The following IL1R1 variants were observed in gnomAD, a reference collection of about 807,000 sequenced individuals.
IL1R1 encodes interleukin-1 receptor type 1.
In IL1R1, 22 loss-of-function variants were observed where a neutral mutation model predicts 50.2. The ratio of observed to expected loss-of-function variants is 0.44; its 90% CI spans 0.31 to 0.63. The LOEUF is 0.63. IL1R1 is among the 20% of genes least tolerant of loss of function. The probability of loss-of-function intolerance (pLI) is 0.07; values close to 1 mark genes in which losing one functional copy is unlikely to be tolerated. For synonymous variants in IL1R1, 251 were observed against 236.7 expected (o/e 1.06, Z -0.55); for missense variants, 509 against 676.2 (o/e 0.75, Z 2.74).
rs1685952298 is a variant in IL1R1, at chr2:102,174,573, TC to T, written c.992-13del. The T allele has an allele frequency of 3.9e-6, 6 of 1,538,554 alleles. No homozygotes were observed. In the Admixed American group the frequency reaches 1.1e-4, roughly 29 times the overall value. Reference sequence around the variant, plus strand: ...TCTAATATTTTTTCTCCTTTTTTTTTCTTTTTGCTATAGTCACTAATTTCCA... The same window carrying T: ...TCTAATATTTTTTCTCCTTTTTTTTTTTTTTGCTATAGTCACTAATTTCCA... On this transcript the variant is annotated splice_polypyrimidine_tract_variant and intron_variant, in intron 9 of 11. Transcript: ENST00000410023.
At chr2:102,114,160 T>C (rs1172641994) in intron 1 of IL1R1, among the ~76,000 whole-genome samples, 1 of 152,214 alleles carries the variant, frequency 6.6e-6, no homozygotes, top group Non-Finnish European at 1.5e-5. Context: ...ACCCATAAAC[T>C]AGTTTTTAAA....
intron 1 of IL1R1, among the ~76,000 whole-genome samples, chr2:102,112,727 T>C (rs1459408792): frequency 6.6e-6 from 1 of 151,988 alleles, no homozygotes; most frequent in Non-Finnish European, 1.5e-5. Flanking sequence ...AAATAAATAC[T>C]TTAATAGTTT....
At chr2:102,076,776 T>A (rs1466708410) in intron 1 of IL1R1, among the ~76,000 whole-genome samples, 1 of 152,138 alleles carries the variant, frequency 6.6e-6, no homozygotes, top group Non-Finnish European at 1.5e-5. Context: ...TTAGTGTAGT[T>A]GTCTTCATAT....
intron 1 of IL1R1, among the ~76,000 whole-genome samples, chr2:102,152,614 C>T (rs1683786090): frequency 6.6e-6 from 1 of 151,740 alleles, no homozygotes; most frequent in African/African-American, 2.4e-5. Context: ...CCTCCCCTCC[C>T]CCTCCCCCTC....
At chr2:102,134,810 C>A (rs1037010216) in intron 1 of IL1R1, among the ~76,000 whole-genome samples, 5 of 152,234 alleles carry the variant, frequency 3.3e-5, no homozygotes, top group Non-Finnish European at 5.9e-5. Flanking sequence ...TCCTAGTAAA[C>A]TTGTGGCTTT....
intron 1 of IL1R1, among the ~76,000 whole-genome samples, chr2:102,144,061 T>C (rs1394061268): frequency 6.6e-6 from 1 of 152,206 alleles, no homozygotes; most frequent in Non-Finnish European, 1.5e-5. Context: ...AGAGGTGGCA[T>C]GGGGACGTTC....
chr2:102,096,399 G>C (rs1023604357), intron 1 of IL1R1, among the ~76,000 whole-genome samples: 1 of 152,196 alleles, frequency 6.6e-6, no homozygotes, highest in Non-Finnish European at 1.5e-5. Flanking sequence ...GTTAGACTCT[G>C]AAAGTTGTTT....
intron 1 of IL1R1, among the ~76,000 whole-genome samples, chr2:102,097,730 A>G (rs2104328816): frequency 6.6e-6 from 1 of 152,200 alleles, no homozygotes; most frequent in East Asian, 1.9e-4. Context: ...AATATTAAAT[A>G]TTTGATTCAT....
intron 1 of IL1R1, among the ~76,000 whole-genome samples, chr2:102,111,852 A>G (rs1363290732): frequency 1.3e-5 from 2 of 152,162 alleles, no homozygotes; most frequent in East Asian, 1.9e-4. Flanking sequence ...AAGTAGGGTT[A>G]TCTTTCTAAC....
chr2:102,129,951 C>T (rs1038348832), intron 1 of IL1R1, among the ~76,000 whole-genome samples: 2 of 152,016 alleles, frequency 1.3e-5, no homozygotes, highest in African/African-American at 2.4e-5. Context: ...TTAAAAATGC[C>T]GATAAACTCA....
In IL1R1 at chr2:102,164,834, T is replaced by G. The variant is rs770360631; in HGVS notation, c.122T>G (p.Val41Gly). ...ILVSSANEID[V>G]RPCPLNPNEH... ...GTGTCATCTGCAAATGAAATTGATGTTCGTCCCTGTCCTCTTAACCCAAAT... is the reference window on the plus strand; with the variant it reads ...GTGTCATCTGCAAATGAAATTGATGGTCGTCCCTGTCCTCTTAACCCAAAT... The change falls in exon 4 of 12, where the codon GTT becomes GGT. Residue 41 changes from valine (V) to glycine (G), a missense_variant. Physicochemically the swap from Val to Gly is moderately radical, Grantham distance 109. Coordinates refer to ENST00000410023, the MANE Select transcript of IL1R1 (RefSeq NM_000877.4). 1.2e-6 allele frequency: 2 copies of G among 1,614,092 alleles called. No homozygotes were observed. The highest frequency in any genetic ancestry group is 1.7e-6 in the Non-Finnish European group (2 of 1,179,970).
At chr2:102,145,421 T>A (rs899072955) in intron 1 of IL1R1, among the ~76,000 whole-genome samples, 7 of 152,128 alleles carry the variant, frequency 4.6e-5, no homozygotes, top group African/African-American at 1.7e-4. Context: ...CCCCGAGTTA[T>A]CTCACCAGGT....
upstream of IL1R1, chr2:102,142,116 G>A (rs1682691803): frequency 6.6e-6 from 1 of 152,248 alleles, no homozygotes; most frequent in Non-Finnish European, 1.5e-5. Flanking sequence ...TCATCCGGGC[G>A]CGTAACAGCA....
intron 1 of IL1R1, among the ~76,000 whole-genome samples, chr2:102,149,166 T>C (rs1190514330): frequency 6.6e-6 from 1 of 152,210 alleles, no homozygotes; most frequent in East Asian, 1.9e-4. Flanking sequence ...GCAAATAAGT[T>C]GGAGCCTAAT....
At chr2:102,167,517 C>T (rs4558602) in intron 6 of IL1R1, among the ~76,000 whole-genome samples, 7,491 of 148,842 alleles carry the variant, frequency 0.05, 206 homozygotes, top group Middle Eastern at 0.15. Flanking sequence ...GTGCGATCTC[C>T]GCTCACTGCA....
upstream of IL1R1, among the ~76,000 whole-genome samples, chr2:102,102,612 G>T (rs879044525): frequency 1.3e-5 from 2 of 152,194 alleles, no homozygotes; most frequent in Non-Finnish European, 1.5e-5. Context: ...ATTGCTCAAA[G>T]AACTTAAAAC....
intron 1 of IL1R1, among the ~76,000 whole-genome samples, chr2:102,119,194 T>G (rs1577889533): frequency 6.6e-6 from 1 of 152,142 alleles, no homozygotes; most frequent in Non-Finnish European, 1.5e-5. Context: ...TGACGTTAGG[T>G]GGTAACTTCT....
intron 1 of IL1R1, among the ~76,000 whole-genome samples, chr2:102,136,375 T>TC (rs386390773): frequency 0.031 from 298 of 9,708 alleles, 2 homozygotes; most frequent in African/African-American, 0.11. Context: ...GATAACAGTA[T>TC]TTTTTTTTTT....
rs373075194 is a variant in IL1R1, at chr2:102,109,604, C to T, written c.-84+4732C>T. Among the ~76,000 whole-genome samples, 10 of 152,302 alleles carry T rather than the reference C, an allele frequency of 6.6e-5. No homozygotes were observed. In the South Asian group the frequency reaches 8.3e-4, roughly 13 times the overall value. ...GTGTTGAACCTGGAAAACTCAGCCA[C>T]AACAACCCCTCAACTTGGGGATCAG... On this transcript the variant is annotated intron_variant, in intron 1 of 10. Transcript: ENST00000409329.
Sources: gnomAD v4.1 joint callset for allele counts (sites outside exome capture counted in the v4.1 genomes callset) on GRCh38, gnomAD v4.1.1 for gene constraint, MANE v1.5 for transcripts, NCBI Gene and HGNC (gene_info 2026-07-23, HGNC 2026-07-21) for gene names.